The following TTLL3 variants were observed in gnomAD, a reference collection of about 807,000 sequenced individuals.
The protein encoded by TTLL3 is tubulin monoglycylase TTLL3.
A neutral mutation model predicts 75.2 loss-of-function variants in TTLL3; 63 were observed. That is an observed-to-expected ratio of 0.84 (90% confidence interval 0.68 to 1.03). The LOEUF (loss-of-function observed/expected upper bound fraction) is 1.03, where lower values mean the gene tolerates loss of function less well. Among genes scored for constraint, TTLL3 ranks in the 50% least tolerant of loss-of-function variants. TTLL3 has a pLI of 0.00. For synonymous variants in TTLL3, 393 were observed against 418.5 expected (o/e 0.94, Z 0.74); for missense variants, 997 against 1,069.9 (o/e 0.93, Z 0.95).
At chr3:9,815,197 C>T (rs1396540967) in intron 4 of TTLL3, among the ~76,000 whole-genome samples, 5 of 150,808 alleles carry the variant, frequency 3.3e-5, no homozygotes, top group Non-Finnish European at 5.9e-5. Context: ...GCCAAGATCA[C>T]GCCACTGCAC....
intron 8 of TTLL3, among the ~76,000 whole-genome samples, chr3:9,824,094 C>G (rs1346165840): frequency 6.6e-6 from 1 of 152,156 alleles, no homozygotes; most frequent in African/African-American, 2.4e-5. Context: ...CAGAGAACAA[C>G]TACAGAAAAT....
chr3:9,826,311 A>ATG (rs2124924651), intron 9 of TTLL3, among the ~76,000 whole-genome samples: 2 of 152,356 alleles, frequency 1.3e-5, no homozygotes, highest in South Asian at 4.1e-4. Flanking sequence ...TGGAAGCAGC[A>ATG]GTTGGCTGCC....
chr3:9,814,346 T>TAAATA (rs1004171419), intron 4 of TTLL3, among the ~76,000 whole-genome samples: 6 of 143,148 alleles, frequency 4.2e-5, no homozygotes, highest in African/African-American at 1.3e-4. Flanking sequence ...AAAAAATAAA[T>TAAATA]AAATAAAATA....
chr3:9,829,038 C>A lies in TTLL3; in HGVS notation c.1326C>A (p.Asp442Glu). Reference protein sequence around the residue: ...SCHRHPLLPPDNMWSSQRFQA... With the variant: ...SCHRHPLLPPENMWSSQRFQA... ...ATCGGCATCCACTGCTTCCGCCAGA[C>A]AACATGTGGTCTAGCCAGAGGTTCC... The change falls in exon 11 of 14, where the codon GAC (aspartate) becomes GAA (glutamate). Residue 442 changes from aspartate (D) to glutamate (E), a missense_variant. Asp to Glu is a conservative substitution (Grantham distance 45). Coordinates refer to ENST00000685419, the MANE Select transcript of TTLL3 (RefSeq NM_001387446.1). The A allele has an allele frequency of 6.2e-7, 1 of 1,614,272 alleles. No homozygotes were observed. The highest frequency in any genetic ancestry group is 1.6e-4 in the Middle Eastern group (1 of 6,062).
At chr3:9,812,360 CAA>C (rs1431260305) in intron 2 of TTLL3, among the ~76,000 whole-genome samples, 1 of 152,102 alleles carries the variant, frequency 6.6e-6, no homozygotes, top group East Asian at 1.9e-4. Flanking sequence ...ACTAAAAATA[CAA>C]AAATTAGCCG....
upstream of TTLL3, chr3:9,810,101 C>G (rs898144064): frequency 2.0e-5 from 28 of 1,430,198 alleles, no homozygotes; most frequent in African/African-American, 3.2e-5. The surrounding 1 kb of genome is among the most constrained non-coding windows in gnomAD (Gnocchi z 4.4). Context: ...GAGGGCGGCG[C>G]GGTGTGCAAC....
chr3:9,828,167 A>G (rs1482283053), intron 10 of TTLL3: 2 of 149,802 alleles, frequency 1.3e-5, no homozygotes, highest in Non-Finnish European at 1.5e-5. Flanking sequence ...AAAAAAGATT[A>G]TATTTGTCGT....
In TTLL3 at chr3:9,833,242, G is replaced by A. The variant is rs2081744283; in HGVS notation, c.1822G>A (p.Glu608Lys). ...VPLLTQRGSGEARHHFPSLHT... is the reference protein window; with the variant it reads ...VPLLTQRGSGKARHHFPSLHT... The stretch of plus-strand genomic sequence containing the variant: ...TCTGCTGACCCAGCGAGGCTCTGGG[G>A]AAGGCAAGGACTCGGGGACCCCTAC... The change falls in exon 12 of 14, where the codon GAA becomes AAA. Residue 608 changes from glutamate to lysine, a missense_variant. Transcript: ENST00000685419. 6.2e-7 allele frequency: 1 copy of A among 1,613,936 alleles called. No individual in the cohort carries two copies. The highest frequency in any genetic ancestry group is 8.5e-7 in the Non-Finnish European group (1 of 1,179,938).
chr3:9,816,031 C>G (rs753081498), intron 4 of TTLL3, 43 bp from the exon 5 acceptor site: 22 of 1,326,726 alleles, frequency 1.7e-5, no homozygotes, highest in Non-Finnish European at 2.0e-5. Context: ...GGCCCTGCTA[C>G]CCACACTGGC....
intron 4 of TTLL3, 110 bp downstream of exon 4, chr3:9,813,455 T>C (rs2079531439): frequency 3.2e-6 from 4 of 1,263,156 alleles, no homozygotes; most frequent in Non-Finnish European, 4.5e-6. Context: ...GGGCCACAGT[T>C]TCCCTATCTG....
At chr3:9,818,710 A>G in intron 6 of TTLL3, 112 bp from the exon 7 acceptor site, 1 of 1,576,588 alleles carries the variant, frequency 6.3e-7, no homozygotes, top group South Asian at 1.1e-5. Flanking sequence ...AGAGTCAGAA[A>G]AGGTAGAGTC....
At chr3:9,816,045 T>C in intron 4 of TTLL3, 29 bp from the exon 5 acceptor site, 1 of 1,341,128 alleles carries the variant, frequency 7.5e-7, no homozygotes, top group Non-Finnish European at 9.9e-7. Flanking sequence ...CACTGGCCTC[T>C]GTGTTTCTGT....
intron 12 of TTLL3, 55 bp from the exon 13 acceptor site, chr3:9,834,626 G>A: frequency 6.2e-7 from 1 of 1,607,064 alleles, no homozygotes; most frequent in South Asian, 1.1e-5. Flanking sequence ...TGTTAGGGCA[G>A]CTAGGCCACC....
intron 10 of TTLL3, chr3:9,827,598 T>G (rs780275930): frequency 6.7e-5 from 18 of 267,384 alleles, no homozygotes; most frequent in Non-Finnish European, 1.3e-4. Flanking sequence ...GGGGTCTCAC[T>G]ATGTTGCCCA....
At chr3:9,821,638 A>C (rs1436322974) in intron 8 of TTLL3, among the ~76,000 whole-genome samples, 1 of 152,242 alleles carries the variant, frequency 6.6e-6, no homozygotes, top group Non-Finnish European at 1.5e-5. Flanking sequence ...AAATGCCAGG[A>C]CATAACTCAG....
At chr3:9,809,914 C>A (rs1016574893), upstream of TTLL3, 9 of 524,550 alleles carry the variant, frequency 1.7e-5, no homozygotes, top group African/African-American at 4.4e-5. Context: ...GGACAAGGCT[C>A]GAGCCTAGGC....
intron 8 of TTLL3, 199 bp downstream of exon 8, chr3:9,820,940 A>C (rs1575381894): frequency 1.2e-6 from 1 of 827,588 alleles, no homozygotes; most frequent in East Asian, 2.7e-5. Context: ...TAGCATAGTC[A>C]CTAAGAGCAT....
chr3:9,816,187 C>A lies in TTLL3; in HGVS notation c.429C>A (p.Gly143=). 7.4e-7 allele frequency: 1 copy of A among 1,353,628 alleles called. No individual in the cohort carries two copies. The highest frequency in any genetic ancestry group is 4.7e-5 in the East Asian group (1 of 21,494). 83.9% of individuals were successfully genotyped at this position (1,353,628 alleles called of 1,614,324 possible). A position where few individuals can be genotyped will look rare whatever the true frequency, so the allele number is the denominator to read the frequency against. ...TGATAAACCACTACGCCCGGGCTGGCTCCTTTACCACAAAGGTGGGCTCCC... is the reference window on the plus strand; with the variant it reads ...TGATAAACCACTACGCCCGGGCTGGATCCTTTACCACAAAGGTGGGCTCCC... ...DQMINHYARA[G]SFTTKVGLCL... Residue 143 remains glycine, a synonymous_variant, in exon 5 of 14, where the codon GGC becomes GGA. Transcript: ENST00000685419.
intron 8 of TTLL3, 172 bp from the exon 9 acceptor site, chr3:9,825,628 G>T (rs1302305581): frequency 8.5e-7 from 1 of 1,180,128 alleles, no homozygotes; most frequent in Non-Finnish European, 1.2e-6. Context: ...GATTTCCGGG[G>T]TGGCTTGAAG....
Sources: gnomAD v4.1 joint callset for allele counts (sites outside exome capture counted in the v4.1 genomes callset) on GRCh38, gnomAD v4.1.1 for gene constraint, Gnocchi (gnomAD v3.1) non-coding constraint, MANE v1.5 for transcripts, NCBI Gene and HGNC (gene_info 2026-07-23, HGNC 2026-07-21) for gene names.